Variants in MKLN1 observed in about 807,000 individuals in gnomAD.
MKLN1 encodes muskelin 1.
In MKLN1, 18 loss-of-function variants were observed where a neutral mutation model predicts 99.0. The observed-to-expected ratio is 0.18, with a 90% CI of 0.13 to 0.27. The LOEUF (loss-of-function observed/expected upper bound fraction) is 0.27, where lower values mean the gene tolerates loss of function less well. Among genes scored for constraint, MKLN1 ranks in the 10% least tolerant of loss-of-function variants. The probability of loss-of-function intolerance (pLI) is 1.00; values close to 1 mark genes in which losing one functional copy is unlikely to be tolerated. For missense variants in MKLN1, 621 were observed against 875.9 expected, an observed-to-expected ratio of 0.71 and a Z score of 3.67; for synonymous variants, 288 against 293.2, an observed-to-expected ratio of 0.98 and a Z score of 0.18.
intron 2 of MKLN1, among the ~76,000 whole-genome samples, chr7:131,196,382 A>C (rs548445110): frequency 9.2e-5 from 14 of 152,354 alleles, no homozygotes; most frequent in African/African-American, 3.1e-4. Flanking sequence ...AACGTCAATC[A>C]AGTGGGCATT....
At chr7:131,136,010 G>A (rs1795643902) in intron 1 of MKLN1, among the ~76,000 whole-genome samples, 1 of 152,176 alleles carries the variant, frequency 6.6e-6, no homozygotes, top group Non-Finnish European at 1.5e-5. Flanking sequence ...GGATTACTCA[G>A]GCAGTAGGGT....
intron 2 of MKLN1, among the ~76,000 whole-genome samples, chr7:131,380,232 T>G (rs762966660): frequency 3.3e-5 from 5 of 152,176 alleles, no homozygotes; most frequent in Non-Finnish European, 7.4e-5. Context: ...GAAGATATAC[T>G]TTTTTAGGAA....
At chr7:131,419,331 A>T (rs746392401) in intron 8 of MKLN1, among the ~76,000 whole-genome samples, 1 of 146,770 alleles carries the variant, frequency 6.8e-6, no homozygotes, top group African/African-American at 2.5e-5. Context: ...GCTCACTGCA[A>T]CCTCTGCCTC....
intron 1 of MKLN1, among the ~76,000 whole-genome samples, chr7:131,110,899 A>G (rs1297673051): frequency 6.6e-6 from 1 of 152,052 alleles, no homozygotes; most frequent in Non-Finnish European, 1.5e-5. Flanking sequence ...TTGCAATACT[A>G]CTCACTTTAG....
Position 131,172,665 on chromosome 7 carries a change from T to C in MKLN1, c.-297+29724T>C, listed in dbSNP as rs144829809. On this transcript the variant is annotated intron_variant, in intron 2 of 7. Transcript: ENST00000416992. ...CTGAAAACCTAGCAAAGTTAGATAATAGAAATTGAAATCTACCTTTCTTGT... is the reference window on the plus strand; with the variant it reads ...CTGAAAACCTAGCAAAGTTAGATAACAGAAATTGAAATCTACCTTTCTTGT... 1.9e-3 allele frequency among the ~76,000 whole-genome samples: 285 copies of C among 152,248 alleles called. 3 individuals are homozygous for C. The highest frequency in any genetic ancestry group is 6.6e-3 in the African/African-American group (276 of 41,544).
chr7:131,421,162 T>C (rs1026431555), intron 8 of MKLN1, among the ~76,000 whole-genome samples: 10 of 152,188 alleles, frequency 6.6e-5, no homozygotes, highest in African/African-American at 2.4e-4. Flanking sequence ...CTGAACTTGG[T>C]TTGGGCTCAA....
At position 131,450,333 on chromosome 7, in the gene MKLN1, C is replaced by T. The variant is rs532624369; in HGVS notation, c.1525+4430C>T. ...CTAGGAGTACAACTGTGAATGAGGG[C>T]CCTATCTTCATGGAGTTATGGTTGT... On this transcript the variant is annotated intron_variant, in intron 12 of 17. Transcript: ENST00000352689. Among the ~76,000 whole-genome samples the T allele has an allele frequency of 2.0e-5, 3 of 152,244 alleles. No homozygotes were observed. The South Asian group carries it at 6.2e-4, about 32-fold the overall frequency.
At chr7:131,304,020 G>A (rs1563285292) in intron 3 of MKLN1, among the ~76,000 whole-genome samples, 1 of 152,168 alleles carries the variant, frequency 6.6e-6, no homozygotes, top group Non-Finnish European at 1.5e-5. Context: ...TATTTCTTGA[G>A]TGCCTACTAT....
intron 1 of MKLN1, among the ~76,000 whole-genome samples, chr7:131,364,146 A>C (rs1584653574): frequency 6.6e-6 from 1 of 152,264 alleles, no homozygotes. Context: ...AGATATTAAA[A>C]ATTGATTTAA....
At chr7:131,375,398 A>AT (rs755495905) in intron 1 of MKLN1, 26 bp from the exon 2 acceptor site, 22 of 1,517,444 alleles carry the variant, frequency 1.4e-5, no homozygotes, top group Non-Finnish European at 1.9e-5. Context: ...TGTTCTCTTA[A>AT]TTTTTTAATA....
intron 3 of MKLN1, among the ~76,000 whole-genome samples, chr7:131,246,170 A>G (rs1797484527): frequency 6.6e-6 from 1 of 152,208 alleles, no homozygotes; most frequent in Non-Finnish European, 1.5e-5. Flanking sequence ...ACAAAGCTAG[A>G]TAGGCTTGAC....
chr7:131,346,988 A>G (rs1363937570), intron 1 of MKLN1, among the ~76,000 whole-genome samples: 1 of 152,242 alleles, frequency 6.6e-6, no homozygotes, highest in Non-Finnish European at 1.5e-5. Context: ...TCTCACCTTC[A>G]GGACACATGG....
chr7:131,347,051 A>G (rs1799583388), intron 1 of MKLN1, among the ~76,000 whole-genome samples: 1 of 152,228 alleles, frequency 6.6e-6, no homozygotes, highest in Non-Finnish European at 1.5e-5. Context: ...GATGGGTGGG[A>G]CACAGGCTGA....
At chr7:131,230,684 G>T (rs1367062607) in intron 3 of MKLN1, among the ~76,000 whole-genome samples, 1 of 152,146 alleles carries the variant, frequency 6.6e-6, no homozygotes, top group East Asian at 1.9e-4. Context: ...TGGCATTCTT[G>T]CCTTTCCCTG....
chr7:131,179,829 C>A (rs1796353874), intron 2 of MKLN1, among the ~76,000 whole-genome samples: 1 of 152,094 alleles, frequency 6.6e-6, no homozygotes, highest in African/African-American at 2.4e-5. Context: ...CTGCCTCGGC[C>A]TCCCAAAATG....
At chr7:131,385,524 T>TA (rs549266281) in intron 2 of MKLN1, among the ~76,000 whole-genome samples, 203 of 152,270 alleles carry the variant, frequency 1.3e-3, no homozygotes, top group African/African-American at 4.6e-3. Flanking sequence ...TGTCAACACT[T>TA]ACGGTTTTGC....
chr7:131,163,353 G>A (rs1796082052), intron 2 of MKLN1, among the ~76,000 whole-genome samples: 1 of 152,096 alleles, frequency 6.6e-6, no homozygotes, highest in Admixed American at 6.6e-5. Context: ...AATGGTTCGG[G>A]GCTCACCCAC....
At chr7:131,381,601 T>A (rs1350064027) in intron 2 of MKLN1, among the ~76,000 whole-genome samples, 2 of 152,116 alleles carry the variant, frequency 1.3e-5, no homozygotes, top group Non-Finnish European at 2.9e-5. Context: ...TCAGCTGAAT[T>A]CCATCATCCT....
chr7:131,470,987 A>G (rs1325112271), intron 16 of MKLN1, 43 bp downstream of exon 16: 2 of 1,359,972 alleles, frequency 1.5e-6, no homozygotes, highest in African/African-American at 2.9e-5. Flanking sequence ...AAGTATTTTT[A>G]AATGTCTTCC....
Sources: allele counts gnomAD v4.1 joint callset (sites outside exome capture counted in the v4.1 genomes callset), GRCh38; gene constraint gnomAD v4.1.1; transcripts MANE v1.5; gene names NCBI Gene and HGNC (gene_info 2026-07-23, HGNC 2026-07-21).